The following EPHA7 variants were observed in gnomAD, a reference collection of about 807,000 sequenced individuals.
The protein encoded by EPHA7 is EPH receptor A7.
EPHA7 carries 25 observed loss-of-function variants against 112.6 expected under a neutral mutation model. The ratio of observed to expected loss-of-function variants is 0.22; its 90% CI spans 0.16 to 0.31. The LOEUF is 0.31. Among genes scored for constraint, EPHA7 ranks in the 10% least tolerant of loss-of-function variants. EPHA7 has a pLI of 1.00. For missense variants in EPHA7, 962 were observed against 1,212.6 expected, an observed-to-expected ratio of 0.79 and a Z score of 3.07; for synonymous variants, 437 against 406.5, an observed-to-expected ratio of 1.07 and a Z score of -0.90.
rs964790944 is a variant in EPHA7 at position 93,243,168 on chromosome 6, G to A, written c.*258C>T. 2 of 335,970 alleles carry A rather than the reference G, an allele frequency of 6.0e-6. No homozygotes were observed. The highest frequency in any genetic ancestry group is 4.2e-5 in the African/African-American group (2 of 47,922). 20.8% of individuals were successfully genotyped at this position (335,970 alleles called of 1,614,324 possible). A position where few individuals can be genotyped will look rare whatever the true frequency, so the allele number is the denominator to read the frequency against. On this transcript the variant is annotated 3_prime_UTR_variant, in exon 17 of 17. Transcript: ENST00000369303. ...AAAAGGAGGTTAGAGAGCTCAAGGT[G>A]TTTGGATGTTTTTCAGGTAGTACTT...
rs16871054 is a variant in EPHA7 at position 93,247,857 on chromosome 6, C to A, written c.2533-872G>T. The stretch of plus-strand genomic sequence containing the variant: ...CTTTGAATGTTAGTGAAAAATAGGC[C>A]CCTATAAACATTTGTATGTAGCAAT... On this transcript the variant is annotated intron_variant, in intron 14 of 16. Coordinates refer to ENST00000369303, the MANE Select transcript of EPHA7 (RefSeq NM_004440.4). Among the ~76,000 whole-genome samples, 920 of 151,878 alleles carry A rather than the reference C, an allele frequency of 6.1e-3. 11 individuals carry two copies. The highest frequency in any genetic ancestry group is 0.021 in the African/African-American group (850 of 41,386).
intron 3 of EPHA7, among the ~76,000 whole-genome samples, chr6:93,396,714 T>C (rs1362696099): frequency 1.3e-5 from 2 of 151,856 alleles, no homozygotes; most frequent in East Asian, 1.9e-4. Flanking sequence ...CTACAATATA[T>C]AGCTATCAAA....
At chr6:93,381,298 T>C (rs1019533681) in intron 3 of EPHA7, among the ~76,000 whole-genome samples, 1 of 152,196 alleles carries the variant, frequency 6.6e-6, no homozygotes, top group African/African-American at 2.4e-5. Context: ...AGTTACTGTA[T>C]AATTAAGTGA....
chr6:93,338,999 A>C (rs1259423001), intron 5 of EPHA7, among the ~76,000 whole-genome samples: 1 of 150,376 alleles, frequency 6.6e-6, no homozygotes, highest in Non-Finnish European at 1.5e-5. Context: ...ATATAAATAT[A>C]TGCACACATA....
At chr6:93,340,489 G>T (rs529320321) in intron 5 of EPHA7, among the ~76,000 whole-genome samples, 17 of 151,902 alleles carry the variant, frequency 1.1e-4, no homozygotes, top group African/African-American at 3.9e-4. Context: ...GATGCTCAAA[G>T]GAAATGCTCA....
At chr6:93,302,598 T>C (rs1437373233) in intron 5 of EPHA7, among the ~76,000 whole-genome samples, 2 of 152,208 alleles carry the variant, frequency 1.3e-5, no homozygotes, top group African/African-American at 4.8e-5. Flanking sequence ...TATCTCTACT[T>C]GTAAATTATA....
intron 3 of EPHA7, among the ~76,000 whole-genome samples, chr6:93,369,818 C>T (rs1273758022): frequency 6.6e-6 from 1 of 152,212 alleles, no homozygotes; most frequent in Non-Finnish European, 1.5e-5. Flanking sequence ...CTTATCCATC[C>T]TCCAGCATTA....
chr6:93,261,277 T>C (rs1770678160), intron 9 of EPHA7, among the ~76,000 whole-genome samples: 1 of 151,552 alleles, frequency 6.6e-6, no homozygotes, highest in African/African-American at 2.4e-5. Flanking sequence ...GACTGGACAT[T>C]CTATTAAATT....
intron 3 of EPHA7, among the ~76,000 whole-genome samples, chr6:93,407,074 T>C (rs1427236707): frequency 1.3e-5 from 2 of 151,996 alleles, no homozygotes; most frequent in Non-Finnish European, 2.9e-5. Context: ...CATATTAGAC[T>C]TGAGAAGCAT....
chr6:93,252,744 T>A (rs1036994822), intron 14 of EPHA7, among the ~76,000 whole-genome samples: 2 of 151,910 alleles, frequency 1.3e-5, no homozygotes, highest in African/African-American at 4.8e-5. Flanking sequence ...CCTATCTAGG[T>A]AATCTCTCAC....
chr6:93,295,066 CGAGGAAAG>C (rs1435502437), intron 5 of EPHA7, among the ~76,000 whole-genome samples: 2 of 149,498 alleles, frequency 1.3e-5, no homozygotes, highest in Admixed American at 6.7e-5. Flanking sequence ...ATAAAGAGAA[CGAGGAAAG>C]GAGGAAGGGA....
chr6:93,315,873 A>C (rs1773783431), intron 5 of EPHA7, among the ~76,000 whole-genome samples: 1 of 152,178 alleles, frequency 6.6e-6, no homozygotes, highest in South Asian at 2.1e-4. Context: ...AGGAATCCAC[A>C]GTTTATGTTC....
At chr6:93,300,546 A>G (rs1772926385) in intron 5 of EPHA7, among the ~76,000 whole-genome samples, 1 of 152,194 alleles carries the variant, frequency 6.6e-6, no homozygotes, top group Non-Finnish European at 1.5e-5. Flanking sequence ...TTATACATGA[A>G]TACAATAATA....
At chr6:93,398,899 T>C (rs1778307932) in intron 3 of EPHA7, among the ~76,000 whole-genome samples, 1 of 152,100 alleles carries the variant, frequency 6.6e-6, no homozygotes, top group Admixed American at 6.6e-5. Context: ...TAAAATTTCC[T>C]GTCAGGTTTA....
intron 5 of EPHA7, among the ~76,000 whole-genome samples, chr6:93,354,801 T>C (rs776941615): frequency 1.3e-5 from 2 of 152,156 alleles, no homozygotes; most frequent in Admixed American, 6.5e-5. Context: ...AATCAAACAA[T>C]AGACATTTTA....
At chr6:93,391,747 GTTAA>G (rs1041393018) in intron 3 of EPHA7, among the ~76,000 whole-genome samples, 7 of 151,746 alleles carry the variant, frequency 4.6e-5, no homozygotes, top group African/African-American at 1.7e-4. Context: ...GGGGAAGCTG[GTTAA>G]TTAGTTACCT....
chr6:93,341,923 T>C (rs1362501798), intron 5 of EPHA7, among the ~76,000 whole-genome samples: 1 of 151,326 alleles, frequency 6.6e-6, no homozygotes, highest in Admixed American at 6.6e-5. Context: ...AGAGAAAAAA[T>C]TCATAGGCAT....
intron 5 of EPHA7, among the ~76,000 whole-genome samples, chr6:93,323,039 GAT>G (rs1401019185): frequency 2.0e-5 from 3 of 151,554 alleles, no homozygotes; most frequent in Non-Finnish European, 4.4e-5. Flanking sequence ...ACAAAAAAAA[GAT>G]GTGAAAACTT....
chr6:93,288,554 A>T (rs953817338), intron 5 of EPHA7, among the ~76,000 whole-genome samples: 2 of 152,178 alleles, frequency 1.3e-5, no homozygotes, highest in Admixed American at 6.5e-5. Context: ...ATCATATGCA[A>T]ATTATACTTA....
Sources: gnomAD v4.1 joint callset for allele counts (sites outside exome capture counted in the v4.1 genomes callset) on GRCh38, gnomAD v4.1.1 for gene constraint, MANE v1.5 for transcripts, NCBI Gene and HGNC (gene_info 2026-07-23, HGNC 2026-07-21) for gene names.